The following AGBL4 variants were observed in gnomAD, a reference collection of about 807,000 sequenced individuals.
The protein encoded by AGBL4 is cytosolic carboxypeptidase 6.
Under a neutral mutation model 66.4 loss-of-function variants are expected in AGBL4, and 58 were observed. That is an observed-to-expected ratio of 0.87 (90% CI 0.71 to 1.09). The LOEUF is 1.09. Ranked by LOEUF, AGBL4 falls within the 50% of genes least tolerant of loss-of-function variation. The probability of loss-of-function intolerance (pLI) is 0.00; values close to 1 mark genes in which losing one functional copy is unlikely to be tolerated. For missense variants in AGBL4, 579 were observed against 631.0 expected (o/e 0.92, Z 0.88); for synonymous variants, 234 against 222.9 (o/e 1.05, Z -0.44).
chr1:49,458,162 ATT>A (rs1240182171), intron 3 of AGBL4, among the ~76,000 whole-genome samples: 2 of 151,790 alleles, frequency 1.3e-5, no homozygotes. Context: ...CTTTCACAAT[ATT>A]GATTGTACCC....
At chr1:49,633,183 A>G (rs1279785132) in intron 3 of AGBL4, among the ~76,000 whole-genome samples, 1 of 152,202 alleles carries the variant, frequency 6.6e-6, no homozygotes, top group East Asian at 1.9e-4. Flanking sequence ...AGCCAACACC[A>G]TTGATAAACC....
intron 3 of AGBL4, among the ~76,000 whole-genome samples, chr1:49,609,188 CAA>C (rs1558097738): frequency 6.6e-6 from 1 of 152,090 alleles, no homozygotes. Flanking sequence ...GAAGAAGGAA[CAA>C]AAGTTATTTC....
chr1:49,486,899 T>C (rs185885247), intron 3 of AGBL4, among the ~76,000 whole-genome samples: 5 of 152,048 alleles, frequency 3.3e-5, no homozygotes, highest in Non-Finnish European at 7.4e-5. Context: ...TTTCTCTCCA[T>C]TGTGAGCAAT....
chr1:48,749,430 C>G (rs552745737), intron 6 of AGBL4, among the ~76,000 whole-genome samples: 2 of 152,124 alleles, frequency 1.3e-5, no homozygotes, highest in East Asian at 3.9e-4. Context: ...CCTACAAAAT[C>G]GATCTTATTA....
chr1:49,933,451 C>T (rs1012532669), intron 1 of AGBL4, among the ~76,000 whole-genome samples: 1 of 151,850 alleles, frequency 6.6e-6, no homozygotes, highest in Admixed American at 6.6e-5. Context: ...AACACAAAAG[C>T]ATATGAAAGT....
chr1:48,973,311 A>G (rs960500814), intron 5 of AGBL4, among the ~76,000 whole-genome samples: 3 of 152,176 alleles, frequency 2.0e-5, no homozygotes, highest in Non-Finnish European at 4.4e-5. Context: ...TGGCCAATTA[A>G]CTGTGTACAT....
At chr1:48,916,404 G>C (rs1333715075) in intron 5 of AGBL4, among the ~76,000 whole-genome samples, 1 of 152,182 alleles carries the variant, frequency 6.6e-6, no homozygotes, top group Admixed American at 6.5e-5. Flanking sequence ...GGAGGAGAGG[G>C]AGGCGGGGCA....
At chr1:49,926,878 A>AGGGAG (rs1377703847) in intron 1 of AGBL4, among the ~76,000 whole-genome samples, 2 of 152,150 alleles carry the variant, frequency 1.3e-5, no homozygotes, top group Non-Finnish European at 2.9e-5. Context: ...ATATATATAA[A>AGGGAG]GGGAGTTTAT....
intron 3 of AGBL4, among the ~76,000 whole-genome samples, chr1:49,614,259 T>C (rs1645209098): frequency 6.6e-6 from 1 of 152,182 alleles, no homozygotes; most frequent in South Asian, 2.1e-4. Flanking sequence ...TTTAATACTA[T>C]AGACTAGTTT....
intron 3 of AGBL4, among the ~76,000 whole-genome samples, chr1:49,552,384 G>T (rs1473039010): frequency 2.0e-5 from 3 of 152,118 alleles, no homozygotes. Context: ...TGTGGTGTTT[G>T]CCCCCCTGCT....
At chr1:48,574,135 T>C (rs2148321169) in intron 11 of AGBL4, among the ~76,000 whole-genome samples, 2 of 152,330 alleles carry the variant, frequency 1.3e-5, no homozygotes, top group Admixed American at 1.3e-4. Context: ...AGAAAGTGTC[T>C]TTTAGTGGAG....
In AGBL4 at chr1:49,245,859, G is replaced by T. The variant is rs267598637; in HGVS notation, c.288C>A (p.Val96=). Residue 96 remains valine, a synonymous_variant, in exon 4 of 14, where the codon GTC becomes GTA. Coordinates refer to ENST00000371839, the MANE Select transcript of AGBL4 (RefSeq NM_032785.4). The part of the protein sequence containing the change: ...TVENVKESQR[V]IFNIVNFSKT... ...TACTGAAGTTAACAATGTTGAAAAT[G>T]ACCCTCTGAAAAAGAAAGAGGGAGA... 1 of 1,547,126 alleles carries T rather than the reference G, an allele frequency of 6.5e-7. No individual in the cohort carries two copies. The highest frequency in any genetic ancestry group is 1.2e-5 in the South Asian group (1 of 83,874).
intron 3 of AGBL4, among the ~76,000 whole-genome samples, chr1:49,581,970 G>A (rs1225457588): frequency 6.6e-6 from 1 of 152,142 alleles, no homozygotes; most frequent in Non-Finnish European, 1.5e-5. Context: ...CTCTTGTGTT[G>A]GGAGTAGTTG....
intron 4 of AGBL4, among the ~76,000 whole-genome samples, chr1:49,209,720 A>T (rs1288952842): frequency 1.3e-5 from 2 of 152,106 alleles, no homozygotes; most frequent in Non-Finnish European, 2.9e-5. Flanking sequence ...CATGTTTACA[A>T]ATAAGACAAT....
chr1:49,420,364 T>C (rs536952196), intron 3 of AGBL4, among the ~76,000 whole-genome samples: 1 of 152,254 alleles, frequency 6.6e-6, no homozygotes, highest in South Asian at 2.1e-4. Flanking sequence ...TTGACAAATC[T>C]ACAAGAGTGG....
intron 1 of AGBL4, among the ~76,000 whole-genome samples, chr1:49,981,773 C>T (rs987376467): frequency 1.3e-5 from 2 of 152,170 alleles, no homozygotes; most frequent in Non-Finnish European, 2.9e-5. Context: ...AACCACTAAA[C>T]CAATTTCCTA....
At chr1:49,541,824 C>T (rs569519430) in intron 3 of AGBL4, among the ~76,000 whole-genome samples, 71 of 152,104 alleles carry the variant, frequency 4.7e-4, no homozygotes, top group Non-Finnish European at 5.1e-4. Context: ...TCTAGCTAAG[C>T]GATTGTAAAT....
intron 6 of AGBL4, among the ~76,000 whole-genome samples, chr1:48,810,574 G>C (rs941288758): frequency 6.6e-6 from 1 of 152,180 alleles, no homozygotes; most frequent in African/African-American, 2.4e-5. Context: ...AAAAGGAGCT[G>C]ATTTATGCAA....
chr1:49,410,029 T>G (rs1244824514), intron 3 of AGBL4, among the ~76,000 whole-genome samples: 1 of 152,098 alleles, frequency 6.6e-6, no homozygotes, highest in Non-Finnish European at 1.5e-5. Flanking sequence ...GATGTGTGGG[T>G]CCCTGAAGTA....
Sources: gnomAD v4.1 joint callset for allele counts (sites outside exome capture counted in the v4.1 genomes callset) on GRCh38, gnomAD v4.1.1 for gene constraint, MANE v1.5 for transcripts, NCBI Gene and HGNC (gene_info 2026-07-23, HGNC 2026-07-21) for gene names.